HTR3D: variants seen among roughly 807,000 people sequenced by gnomAD.
HTR3D encodes the protein 5-hydroxytryptamine (serotonin) receptor 3 family member D.
In HTR3D, 47 loss-of-function variants were observed where a neutral mutation model predicts 45.8. The ratio of observed to expected loss-of-function variants is 1.03; its 90% CI spans 0.81 to 1.31. The LOEUF is 1.31. Ranked by LOEUF, HTR3D falls within the 50% of genes most tolerant of loss-of-function variation. The pLI, the probability that HTR3D is intolerant of heterozygous loss-of-function variation, is 0.00. For synonymous variants in HTR3D, 203 were observed against 199.8 expected (o/e 1.02, Z -0.13); for missense variants, 448 against 506.9 (o/e 0.88, Z 1.12).
chr3:184,031,798 G>T lies in HTR3D; in HGVS notation c.57G>T (p.Leu19=). 2 of 1,550,780 alleles carry T rather than the reference G, an allele frequency of 1.3e-6. No homozygotes were observed. Among genetic ancestry groups the T allele is most frequent in the Non-Finnish European group, 1.7e-6 (2 of 1,146,274 alleles). ...TCCTCCTTGGCTTCATCCTCCACCTGCTGCTGCAAGTACCTTAAGATAAGA... is the reference window on the plus strand; with the variant it reads ...TCCTCCTTGGCTTCATCCTCCACCTTCTGCTGCAAGTACCTTAAGATAAGA... ...KGFLLGFILH[L]LLQDSHLQLV... is the part of the protein sequence containing the mutation. Residue 19 remains leucine, a synonymous_variant, in exon 1 of 8, where the codon CTG becomes CTT. Coordinates refer to ENST00000428798, the MANE Select transcript of HTR3D (RefSeq NM_001145143.1).
At chr3:184,034,908 A>G (rs1323542790) in intron 1 of HTR3D, 3 of 528,842 alleles carry the variant, frequency 5.7e-6, no homozygotes, top group African/African-American at 3.9e-5. Flanking sequence ...GAAAGGCATG[A>G]TAAGAAATGC....
chr3:184,037,923 G>A, intron 5 of HTR3D, 98 bp from the exon 6 acceptor site: 1 of 1,449,520 alleles, frequency 6.9e-7, no homozygotes, highest in Middle Eastern at 2.4e-4. Flanking sequence ...TTCCTTACTA[G>A]ACAGTTTGGC....
intron 1 of HTR3D, 126 bp downstream of exon 1, chr3:184,031,933 G>T (rs12490798): frequency 1.5e-5 from 10 of 668,490 alleles, no homozygotes; most frequent in Admixed American, 2.3e-5. Context: ...AATGATGCTC[G>T]TGACACTGAT....
At position 184,036,754 on chromosome 3, in the gene HTR3D, C is replaced by A. The variant is rs1323621274; in HGVS notation, c.374C>A (p.Ala125Glu). 1 of 1,552,182 alleles carries A rather than the reference C, an allele frequency of 6.4e-7. No homozygotes were observed. Among genetic ancestry groups the A allele is most frequent in the Non-Finnish European group, 8.7e-7 (1 of 1,147,088 alleles). ...SALSPTQVTR[A>E]WRRMSRSFQI... ...TTGCAGTGGAGAACACGAGCCCGGG[C>A]ATGGAGAAGGATGTCCAGGAGCTTT... The change falls in exon 5 of 8, where the codon GCA becomes GAA. Residue 125 changes from alanine (A) to glutamate (E), a missense_variant. Transcript: ENST00000428798.
intron 1 of HTR3D, 141 bp from the exon 2 acceptor site, chr3:184,035,037 T>C: frequency 6.7e-7 from 1 of 1,495,406 alleles, no homozygotes; most frequent in South Asian, 1.3e-5. Flanking sequence ...TGAATTGTTT[T>C]GATCTACATC....
At position 184,036,833 on chromosome 3, in the gene HTR3D, T is replaced by C; in HGVS notation, c.453T>C (p.Gly151=). The C allele has an allele frequency of 1.9e-6, 3 of 1,551,552 alleles. No individual in the cohort carries two copies. Among genetic ancestry groups the C allele is most frequent in the Non-Finnish European group, 2.6e-6 (3 of 1,146,952 alleles). The change falls in exon 5 of 8, where the codon GGT becomes GGC. Residue 151 remains glycine, a synonymous_variant. Transcript: ENST00000428798. Reference sequence around the variant, plus strand: ...CAAGGAGGGAGTGGGTACTGCTGGGTATCCAAAAAAGAACAATAAAGGTGA... The same window carrying C: ...CAAGGAGGGAGTGGGTACTGCTGGGCATCCAAAAAAGAACAATAAAGGTGA... The part of the protein sequence containing the change: ...FRTRREWVLL[G]IQKRTIKVTV...
At chr3:184,035,953 A>G (rs1299610707) in intron 2 of HTR3D, 62 bp from the exon 3 acceptor site, 4 of 1,521,432 alleles carry the variant, frequency 2.6e-6, no homozygotes, top group Non-Finnish European at 3.5e-6. Flanking sequence ...TCAGCCTTCC[A>G]AAGTGCTGGG....
intron 4 of HTR3D, 84 bp from the exon 5 acceptor site, chr3:184,036,664 G>C (rs1021640096): frequency 1.3e-6 from 2 of 1,568,700 alleles, no homozygotes; most frequent in East Asian, 4.6e-5. Context: ...TAAGCAGTGA[G>C]GGATCCAACA....
In HTR3D at chr3:184,036,075, C is replaced by T. The variant is rs1349989763; in HGVS notation, c.172C>T (p.Leu58Phe). Residue 58 changes from leucine to phenylalanine, a missense_variant, in exon 3 of 8, where the codon CTT becomes TTT. Transcript: ENST00000428798. ...CGGCATGGCAACTGAGAACCTATGGCTTTCAGATGTCTTCATCGAGGAGTC... is the reference window on the plus strand; with the variant it reads ...CGGCATGGCAACTGAGAACCTATGGTTTTCAGATGTCTTCATCGAGGAGTC... ...KSGMATENLW[L>F]SDVFIEESVD... 1.3e-6 allele frequency: 2 copies of T among 1,551,444 alleles called. No individual in the cohort carries two copies. The highest frequency in any genetic ancestry group is 1.4e-5 in the African/African-American group (1 of 73,114).
intron 1 of HTR3D, chr3:184,032,690 C>CA (rs1469413096): frequency 1.5e-6 from 1 of 671,030 alleles, no homozygotes; most frequent in Non-Finnish European, 2.6e-6. Context: ...TGCATGGGGA[C>CA]AAAACAATGG....
chr3:184,032,869 C>A, intron 1 of HTR3D: 2 of 1,551,970 alleles, frequency 1.3e-6, no homozygotes, highest in Non-Finnish European at 8.7e-7. Flanking sequence ...CCCTGGCCCT[C>A]CTCTCTCAGT....
At chr3:184,036,628 A>T in intron 4 of HTR3D, 84 bp downstream of exon 4, 1 of 1,592,044 alleles carries the variant, frequency 6.3e-7, no homozygotes, top group Non-Finnish European at 8.6e-7. Context: ...ACAGTGAGGG[A>T]ATCTTGCTGA....
Position 184,036,800 on chromosome 3 carries a change from A to T in HTR3D, c.420A>T (p.Ser140=), listed in dbSNP as rs759974167. ...GCTTTCAAATACATCACAGAACCTC[A>T]TTCAGAACAAGGAGGGAGTGGGTAC... ...SRSFQIHHRT[S]FRTRREWVLL... is the part of the protein sequence containing the mutation. Residue 140 remains serine (S), a synonymous_variant, in exon 5 of 8, where the codon TCA becomes TCT. Transcript: ENST00000428798. 1.6e-5 allele frequency: 25 copies of T among 1,551,964 alleles called. No homozygotes were observed. Among genetic ancestry groups the T allele is most frequent in the Non-Finnish European group, 2.0e-5 (23 of 1,147,072 alleles).
At chr3:184,036,305 G>T in intron 3 of HTR3D, 70 bp from the exon 4 acceptor site, 1 of 1,576,264 alleles carries the variant, frequency 6.3e-7, no homozygotes, top group Non-Finnish European at 8.6e-7. Flanking sequence ...ACCTGACAGA[G>T]AAAGAAGGCC....
At chr3:184,032,926 A>G (rs937985522) in intron 1 of HTR3D, 3 of 1,552,614 alleles carry the variant, frequency 1.9e-6, no homozygotes, top group Non-Finnish European at 2.6e-6. Flanking sequence ...TCAATTGCCC[A>G]GGCTTTGGCC....
rs186919137 is a variant in HTR3D, at chr3:184,035,725, G to A, written c.112-290G>A. 1.4e-4 allele frequency among the ~76,000 whole-genome samples: 20 copies of A among 147,762 alleles called. No individual in the cohort carries two copies. The East Asian group carries it at 3.7e-3, about 28-fold the overall frequency. The stretch of plus-strand genomic sequence containing the variant: ...TTTTTTGAGAGAGTCTCACTCTGTC[G>A]CCCAGGCTCAAGGGCAGTGGTGCGA... On this transcript the variant is annotated intron_variant, in intron 2 of 7. Coordinates refer to ENST00000428798, the MANE Select transcript of HTR3D (RefSeq NM_001145143.1).
intron 1 of HTR3D, among the ~76,000 whole-genome samples, 183 bp downstream of exon 1, chr3:184,031,990 CTCT>C (rs1342152211): frequency 8.0e-5 from 11 of 137,534 alleles, no homozygotes; most frequent in Admixed American, 3.7e-4. Context: ...TAACTCTTTT[CTCT>C]TCTTTTTTTT....
chr3:184,036,336 C>A (rs1220436546), intron 3 of HTR3D, 39 bp from the exon 4 acceptor site: 2 of 1,607,430 alleles, frequency 1.2e-6, no homozygotes, highest in Non-Finnish European at 1.7e-6. Flanking sequence ...GGGAAACCCA[C>A]AGCACCTACC....
Position 184,036,737 on chromosome 3 carries a change from G to A in HTR3D, c.368-11G>A, listed in dbSNP as rs1250068594. ...AGTCTTCTGGGCCTGCTTTGCAGTGGAGAACACGAGCCCGGGCATGGAGAA... is the reference window on the plus strand; with the variant it reads ...AGTCTTCTGGGCCTGCTTTGCAGTGAAGAACACGAGCCCGGGCATGGAGAA... On this transcript the variant is annotated splice_polypyrimidine_tract_variant and intron_variant, in intron 4 of 7. Transcript: ENST00000428798. 6.4e-7 allele frequency: 1 copy of A among 1,552,254 alleles called. No individual in the cohort carries two copies. Among genetic ancestry groups the A allele is most frequent in the African/African-American group, 1.4e-5 (1 of 73,066 alleles).
Sources: gnomAD v4.1 joint callset for allele counts (sites outside exome capture counted in the v4.1 genomes callset) on GRCh38, gnomAD v4.1.1 for gene constraint, MANE v1.5 for transcripts, NCBI Gene and HGNC (gene_info 2026-07-23, HGNC 2026-07-21) for gene names.